FBN2: variants seen among roughly 807,000 people sequenced by gnomAD.
FBN2 encodes fibrillin 2.
In FBN2, 105 loss-of-function variants were observed where a neutral mutation model predicts 355.6. That is an observed-to-expected ratio of 0.30 (90% CI 0.25 to 0.35). The LOEUF (loss-of-function observed/expected upper bound fraction) is 0.35, where lower values mean the gene tolerates loss of function less well. Ranked by LOEUF, FBN2 falls within the 10% of genes least tolerant of loss-of-function variation. The pLI is 1.00. For synonymous variants in FBN2, 1,350 were observed against 1,301.2 expected, an observed-to-expected ratio of 1.04 and a Z score of -0.81; for missense variants, 3,280 against 3,758.7, an observed-to-expected ratio of 0.87 and a Z score of 3.33.
At chr5:128,293,919 G>A (rs1434048752) in intron 48 of FBN2, among the ~76,000 whole-genome samples, 1 of 151,856 alleles carries the variant, frequency 6.6e-6, no homozygotes, top group Non-Finnish European at 1.5e-5. Flanking sequence ...CATGTGCCAT[G>A]CTGGTGTGCT....
intron 7 of FBN2, among the ~76,000 whole-genome samples, chr5:128,434,654 C>A (rs187584727): frequency 3.8e-4 from 57 of 151,406 alleles, no homozygotes; most frequent in Admixed American, 2.4e-3. Context: ...CTCATTTTGT[C>A]AAGAGAATAT....
rs371447106 is a variant in FBN2 at position 128,320,292 on chromosome 5, G to A, written c.4472-1291C>T. ...AGTAGTAGCACGATCATGGCTCACT[G>A]CAGCCACAATCTCCTGGGCTCAAGC... On this transcript the variant is annotated intron_variant, in intron 34 of 64. Transcript: ENST00000262464. Among the ~76,000 whole-genome samples, 104 of 150,976 alleles carry A rather than the reference G, an allele frequency of 6.9e-4. 1 individual carries two copies. In the East Asian group the frequency reaches 0.013, roughly 19 times the overall value.
chr5:128,371,324 T>C (rs1358955158), intron 15 of FBN2: 1 of 152,220 alleles, frequency 6.6e-6, no homozygotes, highest in Non-Finnish European at 1.5e-5. Context: ...GGTAGCACCA[T>C]GAGAATATGC....
intron 5 of FBN2, among the ~76,000 whole-genome samples, chr5:128,487,448 T>C (rs1433188716): frequency 6.6e-6 from 1 of 152,226 alleles, no homozygotes; most frequent in Non-Finnish European, 1.5e-5. Flanking sequence ...GAGTGAAATT[T>C]CTTACACAAT....
At chr5:128,327,332 C>T (rs191461440) in intron 34 of FBN2, among the ~76,000 whole-genome samples, 59 of 152,244 alleles carry the variant, frequency 3.9e-4, no homozygotes, top group Admixed American at 3.3e-3. Context: ...ACTTTTGGCA[C>T]ACTTTCTTTC....
At chr5:128,309,502 C>T (rs1006537984) in intron 40 of FBN2, 103 bp from the exon 41 acceptor site, 27 of 948,434 alleles carry the variant, frequency 2.8e-5, no homozygotes, top group Admixed American at 9.8e-5. Flanking sequence ...GAACACAACT[C>T]GGAAACCCTT....
chr5:128,414,416 TTA>T (rs1318030976), intron 7 of FBN2, among the ~76,000 whole-genome samples: 1 of 152,192 alleles, frequency 6.6e-6, no homozygotes, highest in African/African-American at 2.4e-5. Context: ...TTCACTTAGT[TTA>T]TGTTTTCAAG....
At chr5:128,449,226 T>C (rs1039245257) in intron 6 of FBN2, among the ~76,000 whole-genome samples, 7 of 149,664 alleles carry the variant, frequency 4.7e-5, no homozygotes, top group African/African-American at 1.5e-4. Context: ...ACATGAAAAA[T>C]TGAAGAGGTA....
intron 18 of FBN2, among the ~76,000 whole-genome samples, chr5:128,362,111 C>T (rs1300478742): frequency 1.3e-5 from 2 of 152,182 alleles, no homozygotes; most frequent in African/African-American, 4.8e-5. Flanking sequence ...CTCTACTTCA[C>T]TTGCTTTTAG....
intron 57 of FBN2, 32 bp downstream of exon 57, chr5:128,278,603 G>C: frequency 6.4e-7 from 1 of 1,569,642 alleles, no homozygotes; most frequent in South Asian, 1.1e-5. Context: ...TTAATGTGTT[G>C]ATTATATGAA....
chr5:128,319,851 A>C (rs778174607), intron 34 of FBN2, among the ~76,000 whole-genome samples: 1 of 152,202 alleles, frequency 6.6e-6, no homozygotes, highest in Non-Finnish European at 1.5e-5. Context: ...TCTACTCTCA[A>C]AAAGAGGATG....
In FBN2 at chr5:128,276,039, T is replaced by A; in HGVS notation, c.7593A>T (p.Lys2531Asn). 1 of 1,613,744 alleles carries A rather than the reference T, an allele frequency of 6.2e-7. No individual in the cohort carries two copies. Among genetic ancestry groups the A allele is most frequent in the Non-Finnish European group, 8.5e-7 (1 of 1,179,694 alleles). The change falls in exon 59 of 65, where the codon AAA (lysine) becomes AAT (asparagine). Residue 2531 changes from lysine to asparagine, a missense_variant and splice_region_variant. Physicochemically the swap from Lys to Asn is moderately conservative, Grantham distance 94. Around this residue, in one of 6 missense-constraint regions of FBN2, gnomAD observed 2,284 missense variants for 2,749.5 expected, o/e 0.83. Coordinates refer to ENST00000262464, the MANE Select transcript of FBN2 (RefSeq NM_001999.4). ...YVLQEDGKTCKDLDECQTKQH... is the reference protein window; with the variant it reads ...YVLQEDGKTCNDLDECQTKQH... ...GATTGTCAGAGACTCTTCACTCACC[T>A]TTGCATGTCTTTCCATCCTCTTGCA...
At chr5:128,500,228 TCAACAACAACAACAA>T (rs60501095) in intron 5 of FBN2, among the ~76,000 whole-genome samples, 1 of 148,940 alleles carries the variant, frequency 6.7e-6, no homozygotes, top group Non-Finnish European at 1.5e-5. Context: ...ACAGCTAATA[TCAACAACAACAACAA>T]CAACAACAAC....
At chr5:128,523,449 C>T (rs1756487500) in intron 4 of FBN2, among the ~76,000 whole-genome samples, 1 of 152,076 alleles carries the variant, frequency 6.6e-6, no homozygotes, top group Admixed American at 6.6e-5. Context: ...TTTCAACTCT[C>T]TTCTTTAGCT....
chr5:128,329,339 A>G (rs975900915), intron 33 of FBN2, among the ~76,000 whole-genome samples: 1 of 152,284 alleles, frequency 6.6e-6, no homozygotes, highest in Middle Eastern at 3.4e-3. Context: ...TAATTACACA[A>G]ACAGACATTA....
intron 7 of FBN2, among the ~76,000 whole-genome samples, chr5:128,418,187 AATTTTG>A (rs1753254925): frequency 6.6e-6 from 1 of 151,864 alleles, no homozygotes; most frequent in Non-Finnish European, 1.5e-5. Flanking sequence ...TTTCATTTCT[AATTTTG>A]ATTAGTTAGT....
At chr5:128,407,338 G>A (rs1752952466) in intron 8 of FBN2, among the ~76,000 whole-genome samples, 1 of 152,128 alleles carries the variant, frequency 6.6e-6, no homozygotes. Flanking sequence ...AGGACCATAT[G>A]ACATATTTAT....
chr5:128,269,706 C>T (rs568449104), intron 62 of FBN2, among the ~76,000 whole-genome samples: 90 of 152,242 alleles, frequency 5.9e-4, no homozygotes, highest in African/African-American at 2.1e-3. Context: ...GAACTACAAA[C>T]CACTGCCCAA....
Position 128,349,393 on chromosome 5 carries a change from C to T in FBN2, c.2943G>A (p.Glu981=). The T allele has an allele frequency of 6.2e-7, 1 of 1,614,098 alleles. No homozygotes were observed. The highest frequency in any genetic ancestry group is 8.5e-7 in the Non-Finnish European group (1 of 1,180,020). The change falls in exon 23 of 65, where the codon GAG becomes GAA. Residue 981 remains glutamate, a synonymous_variant. Transcript: ENST00000262464. ...CATCCAACGTAAGGCCTTCAGGGCA[C>T]TCGCAATGAAAAGATCCCTTACTGT... is the stretch of plus-strand genomic sequence containing the variant. ...CVNSKGSFHC[E]CPEGLTLDGT... is the part of the protein sequence containing the mutation.
Sources: allele counts gnomAD v4.1 joint callset (sites outside exome capture counted in the v4.1 genomes callset), GRCh38; gene constraint gnomAD v4.1.1; regional missense constraint gnomAD v4.1.1; transcripts MANE v1.5; gene names NCBI Gene and HGNC (gene_info 2026-07-23, HGNC 2026-07-21).